The following DECR1 variants were observed in gnomAD, a reference collection of about 807,000 sequenced individuals.
The protein encoded by DECR1 is 2,4-dienoyl-CoA reductase 1.
DECR1 carries 44 observed loss-of-function variants against 38.8 expected under a neutral mutation model. The observed-to-expected ratio is 1.13, with a 90% CI of 0.89 to 1.46. DECR1 has a LOEUF of 1.46. Ranked by LOEUF, DECR1 falls within the 40% of genes most tolerant of loss-of-function variation. The pLI, the probability that DECR1 is intolerant of heterozygous loss-of-function variation, is 0.00. For missense variants in DECR1, 428 were observed against 405.5 expected, an observed-to-expected ratio of 1.06 and a Z score of -0.48; for synonymous variants, 148 against 135.2, an observed-to-expected ratio of 1.09 and a Z score of -0.66.
At chr8:90,046,271 G>A (rs889041597) in intron 8 of DECR1, among the ~76,000 whole-genome samples, 1 of 152,148 alleles carries the variant, frequency 6.6e-6, no homozygotes, top group Non-Finnish European at 1.5e-5. Flanking sequence ...GGAACCCATC[G>A]CCAGAAAGCT....
Position 90,010,604 on chromosome 8 carries a change from G to A in DECR1, c.70-6520G>A, listed in dbSNP as rs539469439. Among the ~76,000 whole-genome samples, 40 of 152,320 alleles carry A rather than the reference G, an allele frequency of 2.6e-4. 1 individual carries two copies. Among genetic ancestry groups the A allele is most frequent in the South Asian group, 1.9e-3 (9 of 4,828 alleles). On this transcript the variant is annotated intron_variant, in intron 1 of 9. Transcript: ENST00000220764. ...ATCCTTTGAAAAATATGGTTGTCCA[G>A]TGTTTACCACGCTGATAGTTTAATA...
chr8:90,036,284 C>A (rs574784586), intron 5 of DECR1, among the ~76,000 whole-genome samples: 1 of 152,218 alleles, frequency 6.6e-6, no homozygotes, highest in African/African-American at 2.4e-5. Context: ...CCTCATCCTT[C>A]CATCTATATA....
chr8:90,024,812 G>C (rs920203329), intron 5 of DECR1, among the ~76,000 whole-genome samples: 1 of 152,124 alleles, frequency 6.6e-6, no homozygotes, highest in Admixed American at 6.6e-5. Context: ...TGTCCTGAAT[G>C]GTAATGCCTA....
Position 90,019,107 on chromosome 8 carries a change from G to A in DECR1, c.352G>A (p.Val118Met), listed in dbSNP as rs202215448. 2.2e-4 allele frequency: 363 copies of A among 1,614,078 alleles called. No homozygotes were observed. Among genetic ancestry groups the A allele is most frequent in the Non-Finnish European group, 3.0e-4 (350 of 1,180,018 alleles). ...GCAGGTTCATGCAATTCAGTGTGAT[G>A]TGAGGGATCCTGATATGGTTCAAAA... ...GNKVHAIQCD[V>M]RDPDMVQNTV... The change falls in exon 4 of 10, where the codon GTG (valine) becomes ATG (methionine). Residue 118 changes from valine (V) to methionine (M), a missense_variant. Val to Met is a conservative substitution (Grantham distance 21). Coordinates refer to ENST00000220764, the MANE Select transcript of DECR1 (RefSeq NM_001359.2).
chr8:90,024,004 G>T (rs904292299), intron 5 of DECR1, among the ~76,000 whole-genome samples: 7 of 152,164 alleles, frequency 4.6e-5, no homozygotes, highest in Admixed American at 2.6e-4. Flanking sequence ...TGCTCAGAAT[G>T]ATGGTTTCCA....
chr8:90,026,401 G>A (rs957374982), intron 5 of DECR1, among the ~76,000 whole-genome samples: 3 of 152,064 alleles, frequency 2.0e-5, no homozygotes, highest in Non-Finnish European at 4.4e-5. Flanking sequence ...CAATTTCAGA[G>A]TGTGTTATTG....
intron 8 of DECR1, among the ~76,000 whole-genome samples, chr8:90,047,765 A>C (rs536014662): frequency 5.3e-5 from 8 of 152,374 alleles, no homozygotes; most frequent in East Asian, 1.9e-4. Context: ...TTATTCCAAA[A>C]TTGACCACAT....
At chr8:90,036,213 C>T (rs999739288) in intron 5 of DECR1, among the ~76,000 whole-genome samples, 1 of 152,112 alleles carries the variant, frequency 6.6e-6, no homozygotes, top group African/African-American at 2.4e-5. Context: ...CTCAGGCTCC[C>T]CAAACCGATC....
chr8:90,007,331 A>T (rs1301715069), intron 1 of DECR1, among the ~76,000 whole-genome samples: 1 of 152,102 alleles, frequency 6.6e-6, no homozygotes, highest in Non-Finnish European at 1.5e-5. Flanking sequence ...GATCTTAAGA[A>T]GAGAAGTAAC....
At chr8:90,051,612 G>T in intron 8 of DECR1, 65 bp from the exon 9 acceptor site, 1 of 1,287,310 alleles carries the variant, frequency 7.8e-7, no homozygotes, top group East Asian at 2.3e-5. Flanking sequence ...ATGGGAAAAT[G>T]GCTAGTGGTT....
intron 5 of DECR1, among the ~76,000 whole-genome samples, chr8:90,021,629 A>G (rs1813167449): frequency 6.6e-6 from 1 of 152,204 alleles, no homozygotes; most frequent in Non-Finnish European, 1.5e-5. Context: ...AAGGTTAGTG[A>G]CAACAAGATG....
At chr8:90,005,351 A>T (rs1454122266) in intron 1 of DECR1, 2 of 456,348 alleles carry the variant, frequency 4.4e-6, no homozygotes, top group Non-Finnish European at 8.8e-6. Context: ...CAAGAAGCAT[A>T]GAGTCCAATG....
At chr8:90,051,378 T>G (rs948645385) in intron 8 of DECR1, among the ~76,000 whole-genome samples, 4 of 152,054 alleles carry the variant, frequency 2.6e-5, no homozygotes, top group African/African-American at 7.2e-5. Flanking sequence ...AAGATTTTTT[T>G]GGGGACACAG....
chr8:90,045,829 C>A (rs565980693), intron 8 of DECR1, among the ~76,000 whole-genome samples: 1 of 152,128 alleles, frequency 6.6e-6, no homozygotes, highest in Admixed American at 6.5e-5. Context: ...CCCTCTGAGA[C>A]GAAGCTTCCA....
intron 5 of DECR1, among the ~76,000 whole-genome samples, chr8:90,022,513 G>A (rs980689392): frequency 2.6e-5 from 4 of 151,434 alleles, no homozygotes; most frequent in African/African-American, 7.3e-5. Context: ...TTTTTTCAGT[G>A]AGGGGCAGGA....
At position 90,003,843 on chromosome 8, in the gene DECR1, G is replaced by A. The variant is rs191786827; in HGVS notation, c.69+2282G>A. On this transcript the variant is annotated intron_variant, in intron 1 of 9. Transcript: ENST00000220764. Reference sequence around the variant, plus strand: ...AGTCCCAGCTACTTGGGAGGCTGAGGCAGGAGAATCGCTTTAACCTGGGAG... The same window carrying A: ...AGTCCCAGCTACTTGGGAGGCTGAGACAGGAGAATCGCTTTAACCTGGGAG... Among the ~76,000 whole-genome samples the A allele has an allele frequency of 7.5e-3, 1,137 of 152,240 alleles. 7 individuals carry two copies. The highest frequency in any genetic ancestry group is 0.011 in the Admixed American group (164 of 15,300).
At chr8:90,005,416 G>A (rs1812714815) in intron 1 of DECR1, 1 of 456,136 alleles carries the variant, frequency 2.2e-6, no homozygotes, top group African/African-American at 2.0e-5. Context: ...TTTTGGATGG[G>A]ATCCCAAATA....
intron 8 of DECR1, among the ~76,000 whole-genome samples, chr8:90,050,210 CA>C (rs1814039133): frequency 6.6e-6 from 1 of 152,136 alleles, no homozygotes; most frequent in African/African-American, 2.4e-5. Context: ...CTCTGCACAG[CA>C]AAAGAAACTA....
intron 1 of DECR1, among the ~76,000 whole-genome samples, chr8:90,008,151 C>T (rs948576382): frequency 1.3e-5 from 2 of 152,216 alleles, no homozygotes; most frequent in Non-Finnish European, 2.9e-5. Context: ...TGCAGCATTT[C>T]TGATGCAGAA....
Sources: gnomAD v4.1 joint callset for allele counts (sites outside exome capture counted in the v4.1 genomes callset) on GRCh38, gnomAD v4.1.1 for gene constraint, MANE v1.5 for transcripts, NCBI Gene and HGNC (gene_info 2026-07-23, HGNC 2026-07-21) for gene names.